MGLL: variants seen among roughly 807,000 people sequenced by gnomAD.
MGLL encodes the protein lysophospholipase homolog.
Under a neutral mutation model 29.1 loss-of-function variants are expected in MGLL, and 7 were observed. The observed-to-expected ratio is 0.24, with a 90% confidence interval of 0.14 to 0.45. The LOEUF (loss-of-function observed/expected upper bound fraction) is 0.45. Ranked by LOEUF, MGLL falls within the 20% of genes least tolerant of loss-of-function variation. MGLL has a pLI of 0.99. For missense variants in MGLL, 356 were observed against 413.6 expected (o/e 0.86, Z 1.21); for synonymous variants, 148 against 168.3 (o/e 0.88, Z 0.93).
chr3:127,745,353 A>C (rs189179629), intron 3 of MGLL, among the ~76,000 whole-genome samples: 1 of 152,242 alleles, frequency 6.6e-6, no homozygotes, highest in African/African-American at 2.4e-5. Flanking sequence ...TATACACGGA[A>C]TGCTGCTAGG....
At chr3:127,802,797 G>A (rs2077499616) in intron 2 of MGLL, among the ~76,000 whole-genome samples, 1 of 152,218 alleles carries the variant, frequency 6.6e-6, no homozygotes, top group African/African-American at 2.4e-5. Context: ...ATTTGGAACT[G>A]CCCTTCTGGG....
At chr3:127,768,488 G>A (rs1386886369) in intron 3 of MGLL, among the ~76,000 whole-genome samples, 1 of 152,160 alleles carries the variant, frequency 6.6e-6, no homozygotes, top group Non-Finnish European at 1.5e-5. Context: ...GCTGGTGTGT[G>A]GTTTAGGGAT....
rs891314762 is a variant in MGLL at position 127,728,934 on chromosome 3, T to C, written c.263-6368A>G. ...TGCTCATATGATAGGAGACAAAGTG[T>C]GGGTTGAACATCTCAGATTTTAAGA... On this transcript the variant is annotated intron_variant, in intron 3 of 7. Transcript: ENST00000265052. Among the ~76,000 whole-genome samples the C allele has an allele frequency of 2.0e-5, 3 of 152,134 alleles. No homozygotes were observed. The East Asian group carries it at 5.8e-4, about 29-fold the overall frequency.
chr3:127,732,255 G>A (rs1363691001), intron 3 of MGLL, among the ~76,000 whole-genome samples: 2 of 152,212 alleles, frequency 1.3e-5, no homozygotes, highest in East Asian at 1.9e-4. Flanking sequence ...AGTTCATAAC[G>A]TACAAAGCAC....
chr3:127,715,838 AG>A, intron 5 of MGLL: 1 of 456,578 alleles, frequency 2.2e-6, no homozygotes, highest in East Asian at 7.0e-5. Flanking sequence ...GAAGCCTCAG[AG>A]GGGAGTTGCT....
chr3:127,767,373 T>G (rs1369914828), intron 3 of MGLL, among the ~76,000 whole-genome samples: 1 of 152,210 alleles, frequency 6.6e-6, no homozygotes, highest in Non-Finnish European at 1.5e-5. Flanking sequence ...TTCCAAAGAT[T>G]GTAAATAATT....
intron 2 of MGLL, among the ~76,000 whole-genome samples, chr3:127,819,522 T>C (rs1431259335): frequency 6.6e-6 from 1 of 152,106 alleles, no homozygotes; most frequent in Admixed American, 6.5e-5. Context: ...TCTCCTCTTT[T>C]TTTGCCCCTT....
At chr3:127,785,939 C>T (rs1020601504) in intron 2 of MGLL, among the ~76,000 whole-genome samples, 2 of 152,202 alleles carry the variant, frequency 1.3e-5, no homozygotes, top group Non-Finnish European at 2.9e-5. Context: ...CAGGGAATAG[C>T]CAGGGAAGGC....
chr3:127,763,771 A>T (rs1235675041), intron 3 of MGLL, among the ~76,000 whole-genome samples: 2 of 151,728 alleles, frequency 1.3e-5, no homozygotes, highest in Admixed American at 6.6e-5. Flanking sequence ...CCGTCCTCAA[A>T]CTCTCCCAGA....
At chr3:127,738,617 A>T (rs757110097) in intron 3 of MGLL, among the ~76,000 whole-genome samples, 8 of 152,076 alleles carry the variant, frequency 5.3e-5, no homozygotes, top group Non-Finnish European at 1.0e-4. Context: ...GCCTGCAGAG[A>T]GGTTAGAAAG....
In MGLL at chr3:127,691,775, A is replaced by G; in HGVS notation, c.*423T>C. On this transcript the variant is annotated 3_prime_UTR_variant, in exon 8 of 8. Coordinates refer to ENST00000265052, the MANE Select transcript of MGLL (RefSeq NM_007283.7). Reference sequence around the variant, plus strand: ...CGGCCAGAGGAAGGCCACCAAGCGGAGGCTGGTCAGAGAGGGCGCTGGGGC... The same window carrying G: ...CGGCCAGAGGAAGGCCACCAAGCGGGGGCTGGTCAGAGAGGGCGCTGGGGC... The G allele has an allele frequency of 4.3e-6, 1 of 233,228 alleles. No individual in the cohort carries two copies. The highest frequency in any genetic ancestry group is 8.6e-6 in the Non-Finnish European group (1 of 116,882). The allele number at this position is 233,228 out of a possible 1,614,324, so 14.4% of individuals were successfully genotyped here. A position where few individuals can be genotyped will look rare whatever the true frequency, so the allele number is the denominator to read the frequency against.
At chr3:127,723,112 G>A (rs983170508) in intron 3 of MGLL, among the ~76,000 whole-genome samples, 5 of 152,198 alleles carry the variant, frequency 3.3e-5, no homozygotes, top group Admixed American at 2.6e-4. Context: ...GCGTCTCGAC[G>A]AAGCTGCAGT....
At chr3:127,692,598 C>G (rs1306497289) in intron 7 of MGLL, among the ~76,000 whole-genome samples, 4 of 152,208 alleles carry the variant, frequency 2.6e-5, no homozygotes, top group Admixed American at 6.5e-5. Flanking sequence ...GGACCCGTTT[C>G]TGTGTCTCTG....
At chr3:127,753,715 C>T (rs1023129866) in intron 3 of MGLL, among the ~76,000 whole-genome samples, 1 of 152,174 alleles carries the variant, frequency 6.6e-6, no homozygotes. Context: ...ATATAGTCTA[C>T]AGGGGGCAAG....
In MGLL at chr3:127,811,539, C is replaced by A. The variant is rs548884106; in HGVS notation, c.155+10155G>T. 3.3e-5 allele frequency among the ~76,000 whole-genome samples: 5 copies of A among 152,292 alleles called. No individual in the cohort carries two copies. In the South Asian group the frequency reaches 1.0e-3, roughly 32 times the overall value. ...CCCATGCAACAGATTTCAAAAATGA[C>A]CACAAAATATTCTCTCCTCCATCCT... On this transcript the variant is annotated intron_variant, in intron 2 of 7. Transcript: ENST00000265052.
intron 6 of MGLL, among the ~76,000 whole-genome samples, chr3:127,695,739 G>A (rs961725406): frequency 2.0e-5 from 3 of 151,784 alleles, no homozygotes; most frequent in Admixed American, 6.6e-5. Context: ...GCAAGACTCC[G>A]TCTCAAAAAA....
rs148594043 is a variant in MGLL at position 127,819,977 on chromosome 3, C to T, written c.155+1717G>A. On this transcript the variant is annotated intron_variant, in intron 2 of 7. Coordinates refer to ENST00000265052, the MANE Select transcript of MGLL (RefSeq NM_007283.7). ...GCAGGACAGGTAGGTAGGACCTTGG[C>T]CAGCCCCTTCCTCTTTGGTAAACTG... Among the ~76,000 whole-genome samples, 1,459 of 152,248 alleles carry T rather than the reference C, an allele frequency of 9.6e-3. 12 individuals are homozygous for T. Among genetic ancestry groups the T allele is most frequent in the Non-Finnish European group, 0.015 (1,005 of 68,016 alleles).
intron 3 of MGLL, among the ~76,000 whole-genome samples, chr3:127,746,180 G>A (rs2076438428): frequency 6.6e-6 from 1 of 152,064 alleles, no homozygotes; most frequent in Non-Finnish European, 1.5e-5. Flanking sequence ...TGAGGCCAGC[G>A]GGAATGAGCA....
At chr3:127,763,758 C>T (rs2076807731) in intron 3 of MGLL, among the ~76,000 whole-genome samples, 1 of 152,182 alleles carries the variant, frequency 6.6e-6, no homozygotes, top group Non-Finnish European at 1.5e-5. Flanking sequence ...TCCTACTGCC[C>T]TCCCGTCCTC....
Sources: gnomAD v4.1 joint callset for allele counts (sites outside exome capture counted in the v4.1 genomes callset) on GRCh38, gnomAD v4.1.1 for gene constraint, MANE v1.5 for transcripts, NCBI Gene and HGNC (gene_info 2026-07-23, HGNC 2026-07-21) for gene names.